The following KDM4C variants were observed in gnomAD, a reference collection of about 807,000 sequenced individuals.
The protein encoded by KDM4C is lysine-specific demethylase 4C.
KDM4C carries 81 observed loss-of-function variants against 129.3 expected under a neutral mutation model. The ratio of observed to expected loss-of-function variants is 0.63; its 90% CI spans 0.52 to 0.75. The LOEUF is 0.75. Ranked by LOEUF, KDM4C falls within the 30% of genes least tolerant of loss-of-function variation. The pLI is 0.00. For synonymous variants in KDM4C, 573 were observed against 456.1 expected, an observed-to-expected ratio of 1.26 and a Z score of -3.26; for missense variants, 1,457 against 1,304.0, an observed-to-expected ratio of 1.12 and a Z score of -1.81.
At chr9:6,948,132 C>G (rs746871848) in intron 8 of KDM4C, 3 of 152,114 alleles carry the variant, frequency 2.0e-5, no homozygotes, top group Non-Finnish European at 4.4e-5. Context: ...GAGATAATCA[C>G]CTATTTGATA....
intron 4 of KDM4C, among the ~76,000 whole-genome samples, chr9:6,838,474 A>C (rs900402088): frequency 3.9e-5 from 6 of 152,196 alleles, no homozygotes; most frequent in African/African-American, 1.4e-4. Context: ...ACTTCACACT[A>C]TCAGTAGTCT....
intron 8 of KDM4C, among the ~76,000 whole-genome samples, chr9:6,928,509 C>A (rs1347801779): frequency 6.6e-6 from 1 of 152,126 alleles, no homozygotes; most frequent in Non-Finnish European, 1.5e-5. Context: ...CCTACTTCCT[C>A]GTGGTTTCAC....
intron 19 of KDM4C, among the ~76,000 whole-genome samples, chr9:7,163,197 A>G (rs895062748): frequency 6.6e-6 from 1 of 152,114 alleles, no homozygotes; most frequent in Non-Finnish European, 1.5e-5. Context: ...GTACCTCAGC[A>G]TGCTTTTTAT....
chr9:7,108,512 C>T (rs1266475179), intron 18 of KDM4C, among the ~76,000 whole-genome samples: 2 of 152,192 alleles, frequency 1.3e-5, no homozygotes, highest in Non-Finnish European at 2.9e-5. Flanking sequence ...GCTGGGATTA[C>T]AGGCATGAGC....
At chr9:6,995,834 G>A (rs931615383) in intron 12 of KDM4C, among the ~76,000 whole-genome samples, 7 of 152,056 alleles carry the variant, frequency 4.6e-5, no homozygotes, top group African/African-American at 1.7e-4. Context: ...ACCACGCCCG[G>A]CTAATTTTTT....
chr9:7,015,920 G>A lies in KDM4C; in HGVS notation c.2250G>A (p.Ala750=), dbSNP rs774249515. 14 of 1,610,306 alleles carry A rather than the reference G, an allele frequency of 8.7e-6. No individual in the cohort carries two copies. The African/African-American group carries it at 9.4e-5, about 11-fold the overall frequency. Reference sequence around the variant, plus strand: ...TGTGTGCCCGGTGCAAAAGAAATGCGTGGACAGCAGTAAGTAGCTTATTTT... The same window carrying A: ...TGTGTGCCCGGTGCAAAAGAAATGCATGGACAGCAGTAAGTAGCTTATTTT... The part of the protein sequence containing the change: ...GWLCARCKRN[A]WTAECCLCNL... The change falls in exon 15 of 22, where the codon GCG becomes GCA. Residue 750 remains alanine, a synonymous_variant. Transcript: ENST00000381309.
chr9:7,052,910 T>TTGTGGTACAGTGGGGTGCTTTA (rs1554718570), intron 17 of KDM4C, among the ~76,000 whole-genome samples: 1 of 126,716 alleles, frequency 7.9e-6, no homozygotes, highest in African/African-American at 2.8e-5. Context: ...AGCGAGCGAG[T>TTGTGGTACAGTGGGGTGCTTTA]GCCCAAGGGA....
chr9:6,818,120 G>A (rs1451668046), intron 4 of KDM4C, among the ~76,000 whole-genome samples: 1 of 152,102 alleles, frequency 6.6e-6, no homozygotes, highest in Admixed American at 6.5e-5. Flanking sequence ...GTGAGTGTAT[G>A]TATATATGCA....
At chr9:6,876,921 A>G (rs1012440764) in intron 5 of KDM4C, among the ~76,000 whole-genome samples, 1 of 152,226 alleles carries the variant, frequency 6.6e-6, no homozygotes, top group Non-Finnish European at 1.5e-5. Flanking sequence ...CAAATCTATC[A>G]TCCGACATCA....
At chr9:6,890,752 C>A (rs968034850) in intron 7 of KDM4C, among the ~76,000 whole-genome samples, 4 of 152,090 alleles carry the variant, frequency 2.6e-5, no homozygotes, top group Non-Finnish European at 4.4e-5. Context: ...TCCTCCCTCT[C>A]CTCTCACCTT....
Position 6,990,497 on chromosome 9 carries a change from G to C in KDM4C, c.1759G>C (p.Val587Leu). Residue 587 changes from valine (V) to leucine (L), a missense_variant, in exon 12 of 22, where the codon GTG (valine) becomes CTG (leucine). Coordinates refer to ENST00000381309, the MANE Select transcript of KDM4C (RefSeq NM_015061.6). ...TCCAGCAAGATCTCCGATGACTCTT[G>C]TGAAGCAGCAGGCGCCAAGTGATGA... The part of the protein sequence containing the change: ...RPPARSPMTL[V>L]KQQAPSDEEL... 6.2e-7 allele frequency: 1 copy of C among 1,611,962 alleles called. No individual in the cohort carries two copies. The highest frequency in any genetic ancestry group is 8.5e-7 in the Non-Finnish European group (1 of 1,179,248).
At chr9:6,989,954 A>T (rs1308585838) in intron 11 of KDM4C, among the ~76,000 whole-genome samples, 9 of 148,320 alleles carry the variant, frequency 6.1e-5, no homozygotes, top group South Asian at 2.2e-4. Context: ...TTTTTTTTTT[A>T]AATTATTGAC....
chr9:7,171,430 G>A (rs138116196), intron 21 of KDM4C, among the ~76,000 whole-genome samples: 1 of 152,104 alleles, frequency 6.6e-6, no homozygotes, highest in Non-Finnish European at 1.5e-5. Flanking sequence ...GCTTCGTCTC[G>A]TTCTGTATTC....
chr9:7,016,250 C>T (rs1189558360), intron 15 of KDM4C, among the ~76,000 whole-genome samples: 1 of 151,980 alleles, frequency 6.6e-6, no homozygotes, highest in African/African-American at 2.4e-5. Context: ...GCCTCAGCCT[C>T]CCAAGTAGCT....
chr9:7,060,399 G>C (rs1831458590), intron 17 of KDM4C, among the ~76,000 whole-genome samples: 1 of 150,590 alleles, frequency 6.6e-6, no homozygotes, highest in East Asian at 1.9e-4. Context: ...TAGCTCCTAG[G>C]ATAGTAGTGT....
intron 19 of KDM4C, among the ~76,000 whole-genome samples, chr9:7,154,088 G>A (rs540156793): frequency 6.6e-6 from 1 of 152,180 alleles, no homozygotes; most frequent in Non-Finnish European, 1.5e-5. Context: ...GCTGGGGAAG[G>A]GAGTGTCTGG....
intron 15 of KDM4C, among the ~76,000 whole-genome samples, chr9:7,022,408 G>C (rs1825027133): frequency 6.6e-6 from 1 of 151,706 alleles, no homozygotes; most frequent in South Asian, 2.1e-4. Context: ...ACTTTTCTTT[G>C]TAGCTACTGT....
chr9:6,758,553 C>A lies in KDM4C; in HGVS notation c.-18+350C>A, dbSNP rs1818738109. Among the ~76,000 whole-genome samples the A allele has an allele frequency of 1.5e-4, 1 of 6,560 alleles. No homozygotes were observed. The highest frequency in any genetic ancestry group is 2.4e-4 in the Non-Finnish European group (1 of 4,102). 4.3% of individuals were successfully genotyped at this position (6,560 alleles called of 152,430 possible). ...ATGCGGACCTCTTAACGCCGCCAGT[C>A]GGCTGTGGCGGACTCCAGGAAGGCC... On this transcript the variant is annotated intron_variant, in intron 1 of 21. Coordinates refer to ENST00000381309, the MANE Select transcript of KDM4C (RefSeq NM_015061.6). This position sits in a 1 kb window ranked among gnomAD's most constrained non-coding sequence, Gnocchi z 4.6.
At chr9:6,815,823 G>A (rs950536177) in intron 4 of KDM4C, among the ~76,000 whole-genome samples, 7 of 152,104 alleles carry the variant, frequency 4.6e-5, no homozygotes, top group African/African-American at 1.4e-4. Flanking sequence ...ATGGGTAAGG[G>A]ATACTTGATC....
Sources: allele counts gnomAD v4.1 joint callset (sites outside exome capture counted in the v4.1 genomes callset), GRCh38; gene constraint gnomAD v4.1.1; non-coding constraint Gnocchi (gnomAD v3.1); transcripts MANE v1.5; gene names NCBI Gene and HGNC (gene_info 2026-07-23, HGNC 2026-07-21).